The following MCTP1 variants were observed in gnomAD, a reference collection of about 807,000 sequenced individuals.
MCTP1 encodes multiple C2 and transmembrane domain-containing protein 1.
Under a neutral mutation model 120.6 loss-of-function variants are expected in MCTP1, and 69 were observed. That is an observed-to-expected ratio of 0.57 (90% CI 0.47 to 0.70). The LOEUF is 0.70. MCTP1 is among the 30% of genes least tolerant of loss of function. MCTP1 has a pLI of 0.00. For missense variants in MCTP1, 1,203 were observed against 1,248.8 expected, an observed-to-expected ratio of 0.96 and a Z score of 0.55; for synonymous variants, 529 against 493.1, an observed-to-expected ratio of 1.07 and a Z score of -0.96.
chr5:95,111,048 T>C (rs749798180), intron 1 of MCTP1, among the ~76,000 whole-genome samples: 6 of 152,152 alleles, frequency 3.9e-5, no homozygotes, highest in Non-Finnish European at 8.8e-5. Context: ...TGTGAAGGAT[T>C]CATTTGGAGA....
chr5:95,069,085 T>C (rs954645126), intron 1 of MCTP1, among the ~76,000 whole-genome samples: 7 of 152,130 alleles, frequency 4.6e-5, no homozygotes, highest in African/African-American at 1.7e-4. Flanking sequence ...CAAAGAAATG[T>C]GCTTGTCTTT....
chr5:95,093,119 G>T (rs11960715), intron 1 of MCTP1, among the ~76,000 whole-genome samples: 2,609 of 152,244 alleles, frequency 0.017, 74 homozygotes, highest in African/African-American at 0.06. Flanking sequence ...AGTGGGCTTT[G>T]GACACGTAGC....
chr5:94,941,540 C>T (rs1339924024), intron 4 of MCTP1, among the ~76,000 whole-genome samples: 2 of 152,012 alleles, frequency 1.3e-5, no homozygotes, highest in Non-Finnish European at 2.9e-5. Flanking sequence ...CATTACTCTG[C>T]TTTCCTGTTT....
intron 17 of MCTP1, among the ~76,000 whole-genome samples, chr5:94,845,113 C>T (rs542135727): frequency 6.6e-6 from 1 of 152,238 alleles, no homozygotes; most frequent in East Asian, 1.9e-4. Flanking sequence ...CTATAAGGAA[C>T]TTAAATATAT....
At chr5:94,898,172 A>T (rs1401695819) in intron 10 of MCTP1, among the ~76,000 whole-genome samples, 1 of 152,242 alleles carries the variant, frequency 6.6e-6, no homozygotes, top group Non-Finnish European at 1.5e-5. Flanking sequence ...GTGTTTCAGA[A>T]TTTTGACTTT....
chr5:94,735,114 A>G (rs1337513740), intron 19 of MCTP1, among the ~76,000 whole-genome samples: 1 of 152,162 alleles, frequency 6.6e-6, no homozygotes, highest in Non-Finnish European at 1.5e-5. Flanking sequence ...TAATTTTGGT[A>G]CTTACTGCCA....
At chr5:95,117,125 A>C (rs1007875523) in intron 1 of MCTP1, among the ~76,000 whole-genome samples, 3 of 152,166 alleles carry the variant, frequency 2.0e-5, no homozygotes, top group Admixed American at 2.0e-4. Context: ...CACAGCCAAC[A>C]AACATATGAA....
At chr5:94,908,529 T>A (rs1399141410) in intron 10 of MCTP1, among the ~76,000 whole-genome samples, 3 of 152,062 alleles carry the variant, frequency 2.0e-5, no homozygotes, top group Non-Finnish European at 4.4e-5. Context: ...AATTTTTTTT[T>A]AATTTAAAAA....
At chr5:95,081,500 CA>C in intron 1 of MCTP1, 1 of 1,605,872 alleles carries the variant, frequency 6.2e-7, no homozygotes, top group Non-Finnish European at 8.5e-7. Context: ...TAGAAATGAA[CA>C]AAACATCTTT....
At chr5:95,046,593 C>A (rs188563065) in intron 1 of MCTP1, among the ~76,000 whole-genome samples, 2 of 152,230 alleles carry the variant, frequency 1.3e-5, no homozygotes, top group East Asian at 3.9e-4. Flanking sequence ...CCATTTTCAC[C>A]TTTCAACATC....
chr5:94,824,363 T>C (rs1212347436), intron 17 of MCTP1, among the ~76,000 whole-genome samples: 1 of 152,252 alleles, frequency 6.6e-6, no homozygotes, highest in African/African-American at 2.4e-5. Flanking sequence ...TCTGCATATG[T>C]TGAACCAGCC....
At chr5:95,069,810 T>C (rs1291248152) in intron 1 of MCTP1, among the ~76,000 whole-genome samples, 2 of 151,718 alleles carry the variant, frequency 1.3e-5, no homozygotes, top group African/African-American at 4.8e-5. Context: ...GCTATTCTCC[T>C]GCCTCAGCCT....
At chr5:94,768,934 C>T (rs1218193857) in intron 19 of MCTP1, among the ~76,000 whole-genome samples, 2 of 152,056 alleles carry the variant, frequency 1.3e-5, no homozygotes, top group Non-Finnish European at 2.9e-5. Context: ...TTCTGAATCC[C>T]CATATTCATT....
At chr5:95,176,478 T>C (rs1003778827) in intron 1 of MCTP1, among the ~76,000 whole-genome samples, 4 of 152,108 alleles carry the variant, frequency 2.6e-5, no homozygotes, top group African/African-American at 9.7e-5. Flanking sequence ...TGAGCTGAGA[T>C]TGTACTACTG....
intron 1 of MCTP1, among the ~76,000 whole-genome samples, chr5:95,066,466 A>C (rs1159901182): frequency 1.3e-5 from 2 of 152,202 alleles, no homozygotes; most frequent in Non-Finnish European, 2.9e-5. Flanking sequence ...TAAAAACAGA[A>C]CTATTATATG....
intron 9 of MCTP1, 141 bp downstream of exon 9, chr5:94,912,665 G>T: frequency 1.7e-6 from 1 of 605,740 alleles, no homozygotes; most frequent in Non-Finnish European, 2.6e-6. Context: ...TACAATTATT[G>T]GTCTTGTTTT....
chr5:95,017,605 C>A (rs1375997012), intron 1 of MCTP1, 121 bp from the exon 2 acceptor site: 3 of 467,498 alleles, frequency 6.4e-6, no homozygotes, highest in Admixed American at 7.8e-5. Flanking sequence ...AAATAATCTT[C>A]TGATTTCATA....
intron 1 of MCTP1, among the ~76,000 whole-genome samples, chr5:95,177,673 G>A (rs960970917): frequency 2.0e-5 from 3 of 152,182 alleles, no homozygotes; most frequent in African/African-American, 2.4e-5. Flanking sequence ...TTGCACATTC[G>A]TTATTTGCAT....
At chr5:94,728,045 G>A (rs1762455735) in intron 19 of MCTP1, among the ~76,000 whole-genome samples, 1 of 152,194 alleles carries the variant, frequency 6.6e-6, no homozygotes, top group Non-Finnish European at 1.5e-5. Context: ...GATATATGGG[G>A]TAGGCCTGTC....
Sources: allele counts gnomAD v4.1 joint callset (sites outside exome capture counted in the v4.1 genomes callset), GRCh38; gene constraint gnomAD v4.1.1; transcripts MANE v1.5; gene names NCBI Gene and HGNC (gene_info 2026-07-23, HGNC 2026-07-21).